NFIA: variants seen among roughly 807,000 people sequenced by gnomAD.
NFIA encodes nuclear factor I A.
Under a neutral mutation model 62.8 loss-of-function variants are expected in NFIA, and 8 were observed. That is an observed-to-expected ratio of 0.13 (90% CI 0.07 to 0.23). The LOEUF is 0.23. NFIA is among the 10% of genes least tolerant of loss of function. The pLI is 1.00. For synonymous variants in NFIA, 235 were observed against 238.1 expected, an observed-to-expected ratio of 0.99 and a Z score of 0.12; for missense variants, 410 against 642.1, an observed-to-expected ratio of 0.64 and a Z score of 3.91.
At chr1:61,279,725 A>G (rs1301668862) in intron 3 of NFIA, among the ~76,000 whole-genome samples, 3 of 152,180 alleles carry the variant, frequency 2.0e-5, no homozygotes, top group Non-Finnish European at 4.4e-5. Flanking sequence ...AAAATGGCCA[A>G]CAAGCTGTTC....
chr1:61,281,819 T>TA (rs1196526825), intron 3 of NFIA, among the ~76,000 whole-genome samples: 3 of 152,160 alleles, frequency 2.0e-5, no homozygotes, highest in South Asian at 2.1e-4. Flanking sequence ...AAATTCCTTT[T>TA]AAAAAAAATC....
In NFIA at chr1:61,086,637, A is replaced by G. The variant is rs533412120; in HGVS notation, c.28-1512A>G. On this transcript the variant is annotated intron_variant, in intron 1 of 10. Transcript: ENST00000403491. ...AAGTCAGTTATTGAAGTAATTTATT[A>G]TGTATTAATATATACTTACTTTTAA... Among the ~76,000 whole-genome samples, 8 of 152,250 alleles carry G rather than the reference A, an allele frequency of 5.3e-5. No individual in the cohort carries two copies. In the South Asian group the frequency reaches 1.7e-3, roughly 32 times the overall value.
In NFIA at chr1:61,088,838, C is replaced by G. The variant is rs543764229; in HGVS notation, c.559+158C>G. Among the ~76,000 whole-genome samples the G allele has an allele frequency of 1.3e-5, 2 of 152,180 alleles. No individual in the cohort carries two copies. Among genetic ancestry groups the G allele is most frequent in the Non-Finnish European group, 2.9e-5 (2 of 68,038 alleles). The stretch of plus-strand genomic sequence containing the variant: ...GATTGAGAGAGGTGCCACCTTCATT[C>G]AGGTGAAAAAGCATAGCTTTGAGCG... On this transcript the variant is annotated intron_variant, in intron 2 of 10. Transcript: ENST00000403491. The surrounding 1 kb of genome is among the most constrained non-coding windows in gnomAD (Gnocchi z 4.5).
intron 6 of NFIA, among the ~76,000 whole-genome samples, chr1:61,369,772 A>G (rs1438156695): frequency 3.3e-5 from 5 of 152,030 alleles, no homozygotes; most frequent in Non-Finnish European, 4.4e-5. Flanking sequence ...GTTCTAAGCT[A>G]TATGCACACA....
chr1:61,375,718 C>T (rs1263140507), intron 6 of NFIA, among the ~76,000 whole-genome samples: 1 of 152,154 alleles, frequency 6.6e-6, no homozygotes, highest in African/African-American at 2.4e-5. Flanking sequence ...TTCTGCCTGT[C>T]TGCTGGACCA....
chr1:61,368,548 C>T (rs2100459687), intron 6 of NFIA, among the ~76,000 whole-genome samples: 1 of 152,096 alleles, frequency 6.6e-6, no homozygotes, highest in Admixed American at 6.5e-5. Flanking sequence ...CATATGTAAA[C>T]ATTGAGGACA....
At chr1:61,394,192 A>G (rs1219784583) in intron 7 of NFIA, among the ~76,000 whole-genome samples, 1 of 152,000 alleles carries the variant, frequency 6.6e-6, no homozygotes, top group Non-Finnish European at 1.5e-5. Flanking sequence ...TGCCCCACCC[A>G]AGACAGAGTC....
chr1:61,404,276 C>T lies in NFIA; in HGVS notation c.1248C>T (p.Phe416=), dbSNP rs778140677. 2 of 1,606,428 alleles carry T rather than the reference C, an allele frequency of 1.2e-6. No homozygotes were observed. Among genetic ancestry groups the T allele is most frequent in the South Asian group, 2.2e-5 (2 of 89,946 alleles). The part of the protein sequence containing the change: ...DAGQQAGQVG[F]LNPNGSSQGK... ...GTCAGCAGGCTGGACAGGTGGGGTT[C>T]CTCAATGTAAGGAAACCTCTTTTTT... The change falls in exon 8 of 11, where the codon TTC becomes TTT. Residue 416 remains phenylalanine (F), a synonymous_variant. Transcript: ENST00000403491.
chr1:61,228,420 C>A (rs1275441064), intron 2 of NFIA, among the ~76,000 whole-genome samples: 6 of 152,136 alleles, frequency 3.9e-5, no homozygotes, highest in Admixed American at 2.0e-4. Context: ...CTGTAACCAC[C>A]CATCTGTGCA....
intron 1 of NFIA, among the ~76,000 whole-genome samples, chr1:61,087,492 T>C (rs1165084525): frequency 6.6e-6 from 1 of 152,200 alleles, no homozygotes; most frequent in Non-Finnish European, 1.5e-5. Context: ...CCTTCTTTTG[T>C]ATATGAACCT....
intron 2 of NFIA, among the ~76,000 whole-genome samples, chr1:61,200,842 G>A (rs1652431318): frequency 6.6e-6 from 1 of 152,168 alleles, no homozygotes; most frequent in Non-Finnish European, 1.5e-5. Context: ...TGTGATAATA[G>A]CAGTAATAGA....
intron 2 of NFIA, among the ~76,000 whole-genome samples, chr1:61,229,781 C>T (rs1463165818): frequency 6.6e-6 from 1 of 151,976 alleles, no homozygotes; most frequent in Non-Finnish European, 1.5e-5. Flanking sequence ...TCATGTGGAA[C>T]AAAAAGAATT....
At chr1:61,372,847 T>C (rs545705173) in intron 6 of NFIA, among the ~76,000 whole-genome samples, 29 of 152,232 alleles carry the variant, frequency 1.9e-4, no homozygotes, top group African/African-American at 7.0e-4. Context: ...CTCATCTACC[T>C]AAACTGAAGG....
chr1:61,298,435 T>A lies in NFIA; in HGVS notation c.625+20850T>A, dbSNP rs570859577. On this transcript the variant is annotated intron_variant, in intron 3 of 10. Coordinates refer to ENST00000403491, the MANE Select transcript of NFIA (RefSeq NM_001134673.4). ...TGAAAATGGACTAACGTACTACCCT[T>A]TTAGATAATCCTTGCAGCATAAGAC... Among the ~76,000 whole-genome samples the A allele has an allele frequency of 4.0e-4, 61 of 152,170 alleles. 1 individual carries two copies. Among genetic ancestry groups the A allele is most frequent in the African/African-American group, 1.4e-3 (58 of 41,524 alleles).
At chr1:61,277,980 T>C (rs1657913092) in intron 3 of NFIA, among the ~76,000 whole-genome samples, 1 of 152,144 alleles carries the variant, frequency 6.6e-6, no homozygotes, top group Non-Finnish European at 1.5e-5. Context: ...TCTTCACTAG[T>C]GATTTAAGAT....
intron 2 of NFIA, among the ~76,000 whole-genome samples, chr1:61,230,628 C>A (rs2100630928): frequency 6.6e-6 from 1 of 152,258 alleles, no homozygotes; most frequent in African/African-American, 2.4e-5. Context: ...CCAGAGTGAT[C>A]TTTCTGAAAT....
chr1:61,081,068 C>T (rs1479512800), upstream of NFIA, among the ~76,000 whole-genome samples: 1 of 152,106 alleles, frequency 6.6e-6, no homozygotes, highest in African/African-American at 2.4e-5. Context: ...GGCAGATTCC[C>T]CTGTGTGCCA....
chr1:61,098,823 A>ATGAAAATTAT (rs1646461479), intron 2 of NFIA, among the ~76,000 whole-genome samples: 1 of 152,248 alleles, frequency 6.6e-6, no homozygotes, highest in African/African-American at 2.4e-5. Context: ...AATGTATTTT[A>ATGAAAATTAT]GAGTTTCAGT....
chr1:61,354,585 T>C (rs1197344906), intron 5 of NFIA, among the ~76,000 whole-genome samples: 1 of 152,206 alleles, frequency 6.6e-6, no homozygotes, highest in Non-Finnish European at 1.5e-5. Flanking sequence ...TTGCCCAAAG[T>C]CACAGTCCTA....
Sources: allele counts gnomAD v4.1 joint callset (sites outside exome capture counted in the v4.1 genomes callset), GRCh38; gene constraint gnomAD v4.1.1; non-coding constraint Gnocchi (gnomAD v3.1); transcripts MANE v1.5; gene names NCBI Gene and HGNC (gene_info 2026-07-23, HGNC 2026-07-21).